DLGAP2: variants seen among roughly 807,000 people sequenced by gnomAD.
The protein encoded by DLGAP2 is DLG associated protein 2.
Under a neutral mutation model 100.3 loss-of-function variants are expected in DLGAP2, and 26 were observed. That is an observed-to-expected ratio of 0.26 (90% CI 0.19 to 0.36). DLGAP2 has a LOEUF of 0.36. DLGAP2 is among the 10% of genes least tolerant of loss of function. DLGAP2 has a pLI of 1.00. For synonymous variants in DLGAP2, 886 were observed against 630.1 expected (o/e 1.41, Z -6.08); for missense variants, 1,858 against 1,453.2 (o/e 1.28, Z -4.53).
At chr8:888,744 G>T (rs1797974701) in intron 1 of DLGAP2, among the ~76,000 whole-genome samples, 1 of 152,040 alleles carries the variant, frequency 6.6e-6, no homozygotes, top group South Asian at 2.1e-4. Context: ...GCCAAGATGG[G>T]TGCCTGTTCC....
intron 2 of DLGAP2, among the ~76,000 whole-genome samples, chr8:1,063,927 G>T (rs1174498053): frequency 6.6e-6 from 1 of 152,182 alleles, no homozygotes; most frequent in Non-Finnish European, 1.5e-5. Context: ...AATCACACTT[G>T]CTGTTTAGCA....
intron 2 of DLGAP2, among the ~76,000 whole-genome samples, chr8:1,135,472 C>G (rs1796386531): frequency 6.9e-6 from 1 of 145,688 alleles, no homozygotes; most frequent in South Asian, 2.2e-4. Context: ...AGAGATTTCT[C>G]ACCTTGGATC....
At chr8:1,621,966 G>C (rs538855874) in intron 6 of DLGAP2, 1 of 152,186 alleles carries the variant, frequency 6.6e-6, no homozygotes, top group African/African-American at 2.4e-5. Context: ...GGCACAGAAA[G>C]CTCAAGAACA....
At chr8:1,205,623 C>T (rs1003883210) in intron 2 of DLGAP2, among the ~76,000 whole-genome samples, 10 of 152,166 alleles carry the variant, frequency 6.6e-5, no homozygotes, top group African/African-American at 2.4e-4. Flanking sequence ...GGTGCGTGAA[C>T]CAGCCTCTGC....
chr8:988,994 C>T (rs1016493657), intron 2 of DLGAP2, among the ~76,000 whole-genome samples: 7 of 152,214 alleles, frequency 4.6e-5, no homozygotes, highest in African/African-American at 1.7e-4. Context: ...GCTGCCTGCA[C>T]TGCCTCCGCT....
intron 2 of DLGAP2, among the ~76,000 whole-genome samples, chr8:1,036,293 A>G (rs1051174912): frequency 1.2e-4 from 18 of 152,378 alleles, no homozygotes; most frequent in African/African-American, 4.1e-4. Flanking sequence ...ACACTGTGCT[A>G]GAAGGTCAGC....
chr8:1,543,881 G>C (rs567656937), intron 4 of DLGAP2, among the ~76,000 whole-genome samples: 1 of 151,910 alleles, frequency 6.6e-6, no homozygotes, highest in East Asian at 1.9e-4. Context: ...AGTTTTCAGT[G>C]TACGAATCTT....
intron 2 of DLGAP2, among the ~76,000 whole-genome samples, chr8:1,196,242 T>G (rs1344524601): frequency 6.6e-6 from 1 of 152,216 alleles, no homozygotes; most frequent in African/African-American, 2.4e-5. Flanking sequence ...AGGCCACGTT[T>G]CACTGTGTGT....
intron 2 of DLGAP2, among the ~76,000 whole-genome samples, chr8:1,051,444 C>A (rs552472864): frequency 6.6e-6 from 1 of 152,118 alleles, no homozygotes; most frequent in Non-Finnish European, 1.5e-5. Context: ...ACCGTCAGCA[C>A]GTGGGGAGTG....
At chr8:1,652,585 C>T (rs1484761786) in intron 8 of DLGAP2, among the ~76,000 whole-genome samples, 1 of 152,148 alleles carries the variant, frequency 6.6e-6, no homozygotes, top group Admixed American at 6.5e-5. Flanking sequence ...GAGAATAAAA[C>T]CCTCTGTCAG....
At chr8:1,697,023 C>G (rs2130885850) in intron 13 of DLGAP2, 124 bp from the exon 14 acceptor site, 1 of 1,054,358 alleles carries the variant, frequency 9.5e-7, no homozygotes, top group Non-Finnish European at 1.3e-6. Flanking sequence ...CTGCCTCAGG[C>G]TGGAATTAGC....
chr8:1,659,125 T>G (rs1201261481), intron 8 of DLGAP2, among the ~76,000 whole-genome samples: 1 of 152,226 alleles, frequency 6.6e-6, no homozygotes, highest in Admixed American at 6.5e-5. Context: ...GAGCAGATTG[T>G]TCAGTTTCCA....
chr8:1,189,127 G>C (rs1418590425), intron 2 of DLGAP2, among the ~76,000 whole-genome samples: 1 of 125,324 alleles, frequency 8.0e-6, no homozygotes, highest in African/African-American at 4.9e-5. Context: ...GGGCCCCATG[G>C]CGGTTCCGCT....
At chr8:1,481,985 G>C (rs1584944246) in intron 3 of DLGAP2, among the ~76,000 whole-genome samples, 2 of 152,344 alleles carry the variant, frequency 1.3e-5, no homozygotes, top group East Asian at 3.9e-4. Flanking sequence ...CCCAATGACT[G>C]CTCTCAGCCC....
intron 3 of DLGAP2, among the ~76,000 whole-genome samples, chr8:1,409,875 CT>C (rs1214581885): frequency 6.6e-6 from 1 of 152,194 alleles, no homozygotes; most frequent in Non-Finnish European, 1.5e-5. Flanking sequence ...GGCCTTCGGG[CT>C]TAGACTGAAT....
chr8:1,204,943 T>G (rs868210859), intron 2 of DLGAP2, among the ~76,000 whole-genome samples: 2 of 152,062 alleles, frequency 1.3e-5, no homozygotes, highest in African/African-American at 4.8e-5. Flanking sequence ...CAGATGAAAA[T>G]GGTCCTCCAG....
At chr8:1,332,772 G>C (rs1312449876) in intron 3 of DLGAP2, among the ~76,000 whole-genome samples, 1 of 152,206 alleles carries the variant, frequency 6.6e-6, no homozygotes, top group African/African-American at 2.4e-5. Context: ...TGAGGCTGCA[G>C]GTAGCTCTCT....
At chr8:881,492 CTCTCTTTTTTT>C (rs1797790702) in intron 1 of DLGAP2, among the ~76,000 whole-genome samples, 1 of 128,154 alleles carries the variant, frequency 7.8e-6, no homozygotes, top group Non-Finnish European at 1.6e-5. Context: ...ACCATTTCAT[CTCTCTTTTTTT>C]TTTTTTTTTT....
intron 6 of DLGAP2, among the ~76,000 whole-genome samples, chr8:1,603,462 C>G (rs908110493): frequency 6.6e-6 from 1 of 150,444 alleles, no homozygotes; most frequent in African/African-American, 2.5e-5. Flanking sequence ...GGCTGGGTCT[C>G]AGTTCTGTAG....
Sources: allele counts gnomAD v4.1 joint callset (sites outside exome capture counted in the v4.1 genomes callset), GRCh38; gene constraint gnomAD v4.1.1; transcripts MANE v1.5; gene names NCBI Gene and HGNC (gene_info 2026-07-23, HGNC 2026-07-21).